Variants in ERICH1 observed in about 807,000 individuals in gnomAD.
ERICH1 encodes the protein glutamate-rich protein 1.
ERICH1 carries 56 observed loss-of-function variants against 39.6 expected under a neutral mutation model. That is an observed-to-expected ratio of 1.41 (90% CI 1.14 to 1.77). The LOEUF (loss-of-function observed/expected upper bound fraction) is 1.77, where lower values mean the gene tolerates loss of function less well. Ranked by LOEUF, ERICH1 falls within the 40% of genes most tolerant of loss-of-function variation. The pLI, the probability that ERICH1 is intolerant of heterozygous loss-of-function variation, is 0.00. For missense variants in ERICH1, 826 were observed against 575.4 expected, an observed-to-expected ratio of 1.44 and a Z score of -4.45; for synonymous variants, 313 against 223.6, an observed-to-expected ratio of 1.40 and a Z score of -3.57.
chr8:716,963 A>C (rs1816144783), intron 1 of ERICH1, among the ~76,000 whole-genome samples: 1 of 152,174 alleles, frequency 6.6e-6, no homozygotes, highest in Admixed American at 6.5e-5. Flanking sequence ...ACCCTCCTAC[A>C]GGCCCCGCTG....
intron 3 of ERICH1, chr8:626,945 G>C (rs945235249): frequency 2.8e-6 from 1 of 359,942 alleles, no homozygotes; most frequent in South Asian, 2.0e-5. Context: ...GGACCCTCTG[G>C]AACCCCAACC....
intron 3 of ERICH1, among the ~76,000 whole-genome samples, chr8:678,762 T>G (rs1456405192): frequency 6.6e-6 from 1 of 152,110 alleles, no homozygotes; most frequent in Non-Finnish European, 1.5e-5. Context: ...GAGCCCAGAT[T>G]GCACCACTGC....
At chr8:720,100 CTCA>C (rs1816946214) in intron 1 of ERICH1, among the ~76,000 whole-genome samples, 1 of 152,234 alleles carries the variant, frequency 6.6e-6, no homozygotes, top group Non-Finnish European at 1.5e-5. Context: ...AACACAAAAT[CTCA>C]TCATGTCAGT....
chr8:716,076 G>C (rs1463127336), intron 1 of ERICH1, 69 bp from the exon 2 acceptor site: 1 of 1,516,006 alleles, frequency 6.6e-7, no homozygotes. Flanking sequence ...TGAATCACAC[G>C]TGACTTTTAC....
chr8:661,369 G>A (rs1801403026), downstream of ERICH1, among the ~76,000 whole-genome samples: 1 of 152,138 alleles, frequency 6.6e-6, no homozygotes, highest in Non-Finnish European at 1.5e-5. Flanking sequence ...AGACCGGCTT[G>A]TGCAAGCCCT....
intron 2 of ERICH1, among the ~76,000 whole-genome samples, chr8:695,386 G>A (rs545613660): frequency 9.2e-5 from 14 of 152,160 alleles, no homozygotes; most frequent in Middle Eastern, 3.4e-3. Flanking sequence ...ACACCATGAC[G>A]GCTGTGAGCA....
intron 3 of ERICH1, chr8:626,059 A>T (rs1797581445): frequency 6.6e-6 from 1 of 152,200 alleles, no homozygotes; most frequent in African/African-American, 2.4e-5. Flanking sequence ...ACACATATAA[A>T]TCTTTTGAAC....
intron 2 of ERICH1, among the ~76,000 whole-genome samples, chr8:700,497 CGCGCACAGGCCCGCACAG>C (rs1351174973): frequency 0.015 from 1,194 of 77,920 alleles, 89 homozygotes; most frequent in Middle Eastern, 0.023. Context: ...GGCCCGCACA[CGCGCACAGGCCCGCACAG>C]GCGCACAGGC....
chr8:689,659 T>C (rs942238523), intron 3 of ERICH1, among the ~76,000 whole-genome samples: 13 of 152,172 alleles, frequency 8.5e-5, no homozygotes, highest in Admixed American at 7.2e-4. Flanking sequence ...AAAAATTACA[T>C]GGCTGGACTT....
chr8:624,774 C>T (rs1027237145), intron 3 of ERICH1, among the ~76,000 whole-genome samples: 22 of 151,984 alleles, frequency 1.4e-4, no homozygotes, highest in Admixed American at 5.9e-4. Flanking sequence ...TCACCCAGGC[C>T]GGACTGCAGT....
chr8:706,617 A>G (rs1238630956), intron 2 of ERICH1, among the ~76,000 whole-genome samples: 1 of 152,218 alleles, frequency 6.6e-6, no homozygotes, highest in East Asian at 1.9e-4. Context: ...CTACTAAAAA[A>G]ATACAAAAAA....
chr8:661,438 G>A (rs1279431534), downstream of ERICH1, among the ~76,000 whole-genome samples: 2 of 152,104 alleles, frequency 1.3e-5, no homozygotes, highest in East Asian at 3.9e-4. Flanking sequence ...GTACTGACAG[G>A]CTCAGATATT....
At chr8:668,211 T>C (rs1360224952) in intron 5 of ERICH1, 1 of 266,698 alleles carries the variant, frequency 3.7e-6, no homozygotes, top group Non-Finnish European at 7.2e-6. Context: ...AAAGTCGTCA[T>C]CACCACGTCA....
In ERICH1 at chr8:692,572, AGT is replaced by A. The variant is rs761997606; in HGVS notation, c.208_209del (p.Thr70CysfsTer6). 3.6e-5 allele frequency: 58 copies of A among 1,612,032 alleles called. No individual in the cohort carries two copies. The highest frequency in any genetic ancestry group is 4.4e-5 in the Non-Finnish European group (52 of 1,179,052). ...SETPTARRLY[T>X]ASGPPEGYVP... The stretch of plus-strand genomic sequence containing the variant: ...CGTAGCCCTCAGGAGGCCCGCTGGC[AGT>A]GTAGAGCCGTCGGGCAGTCGGGGTC... On this transcript the variant is annotated frameshift_variant, in exon 3 of 6. Transcript: ENST00000262109. LOFTEE classifies it high-confidence loss of function.
At chr8:671,390 T>C (rs13269838) in intron 4 of ERICH1, among the ~76,000 whole-genome samples, 16,075 of 30,298 alleles carry the variant, frequency 0.53, 5,380 homozygotes, top group African/African-American at 0.65. Flanking sequence ...CTAATGTCTG[T>C]GCTCACTGGG....
chr8:715,920 T>C lies in ERICH1; in HGVS notation c.110A>G (p.Asn37Ser). 4 of 1,613,798 alleles carry C rather than the reference T, an allele frequency of 2.5e-6. No individual in the cohort carries two copies. Among genetic ancestry groups the C allele is most frequent in the Non-Finnish European group, 3.4e-6 (4 of 1,179,862 alleles). Residue 37 changes from asparagine to serine, a missense_variant, in exon 2 of 6, where the codon AAT becomes AGT. By Grantham distance (46) the Asn-to-Ser change is conservative (BLOSUM62 1). Transcript: ENST00000262109. ...KREPQTLAVQ[N>S]PPKKVTSEKV... ...CTCAGAGGTCACTTTCTTTGGTGGA[T>C]TTTGGACGGCCAGCGTCTGGGGTTC...
Position 628,006 on chromosome 8 carries a change from G to C in ERICH1, c.977-12722C>G, listed in dbSNP as rs1029113691. ...ACTCCCAGCTCAAGGGGCAGCAGCA[G>C]GGGCGCCTTCCTGAGGAGTGAGAAG... On this transcript the variant is annotated intron_variant, in intron 3 of 3. Coordinates refer to the ERICH1 transcript ENST00000522706. Among the ~76,000 whole-genome samples the C allele has an allele frequency of 5.9e-5, 9 of 152,320 alleles. No individual in the cohort carries two copies. The East Asian group carries it at 1.2e-3, about 20-fold the overall frequency.
chr8:634,843 T>C (rs573470419), intron 3 of ERICH1, among the ~76,000 whole-genome samples: 13 of 152,338 alleles, frequency 8.5e-5, no homozygotes, highest in Non-Finnish European at 1.5e-4. Flanking sequence ...TTTTTGTCTC[T>C]TAAGAGTTTT....
chr8:657,148 G>C (rs1178491542), intron 3 of ERICH1, among the ~76,000 whole-genome samples: 1 of 152,232 alleles, frequency 6.6e-6, no homozygotes, highest in Non-Finnish European at 1.5e-5. Flanking sequence ...AATGGTGATA[G>C]ATACTGCAAG....
Sources: allele counts gnomAD v4.1 joint callset (sites outside exome capture counted in the v4.1 genomes callset), GRCh38; gene constraint gnomAD v4.1.1; transcripts MANE v1.5; gene names NCBI Gene and HGNC (gene_info 2026-07-23, HGNC 2026-07-21).